Variants in SDK1 observed in about 807,000 individuals in gnomAD.
SDK1 encodes protein sidekick-1.
Under a neutral mutation model 245.5 loss-of-function variants are expected in SDK1, and 157 were observed. That is an observed-to-expected ratio of 0.64 (90% CI 0.56 to 0.73). SDK1 has a LOEUF of 0.73. Ranked by LOEUF, SDK1 falls within the 30% of genes least tolerant of loss-of-function variation. The probability of loss-of-function intolerance (pLI) is 0.00; values close to 1 mark genes in which losing one functional copy is unlikely to be tolerated. For synonymous variants in SDK1, 1,647 were observed against 1,278.5 expected (o/e 1.29, Z -6.15); for missense variants, 3,583 against 3,002.3 (o/e 1.19, Z -4.52).
At chr7:3,980,949 A>AAC (rs1269151945) in intron 13 of SDK1, among the ~76,000 whole-genome samples, 1 of 152,144 alleles carries the variant, frequency 6.6e-6, no homozygotes, top group Non-Finnish European at 1.5e-5. Flanking sequence ...CAAAAAAAAA[A>AAC]AAGAAAGAAA....
chr7:4,069,500 G>C (rs960794703), intron 20 of SDK1, among the ~76,000 whole-genome samples: 1 of 152,186 alleles, frequency 6.6e-6, no homozygotes, highest in East Asian at 1.9e-4. Context: ...TGACGCGAGC[G>C]GTCAGTTTGG....
intron 1 of SDK1, among the ~76,000 whole-genome samples, chr7:3,482,006 G>A: frequency 6.7e-6 from 1 of 148,730 alleles, no homozygotes; most frequent in Non-Finnish European, 1.5e-5. Flanking sequence ...ATATAATAAG[G>A]GATTAATAAT....
chr7:3,770,498 T>C (rs1238501517), intron 4 of SDK1, among the ~76,000 whole-genome samples: 1 of 152,210 alleles, frequency 6.6e-6, no homozygotes, highest in Non-Finnish European at 1.5e-5. Flanking sequence ...GTGGTAGCTA[T>C]ATGTTTAGTT....
At chr7:3,377,913 G>A (rs1781394460) in intron 1 of SDK1, among the ~76,000 whole-genome samples, 1 of 152,032 alleles carries the variant, frequency 6.6e-6, no homozygotes, top group Non-Finnish European at 1.5e-5. Flanking sequence ...CGAGTAGCTG[G>A]GATTACAGGT....
chr7:4,258,883 TTCGTTCCTAAATATTCTGTGAA>T (rs997412438), intron 44 of SDK1, among the ~76,000 whole-genome samples: 1 of 152,248 alleles, frequency 6.6e-6, no homozygotes, highest in Non-Finnish European at 1.5e-5. Flanking sequence ...ATTTCTGTCA[TTCGTTCCTAAATATTCTGTGAA>T]TTTCTCGTGA....
At chr7:3,433,927 A>G (rs78031811) in intron 1 of SDK1, among the ~76,000 whole-genome samples, 2 of 152,320 alleles carry the variant, frequency 1.3e-5, no homozygotes, top group African/African-American at 4.8e-5. Context: ...TGATTTATTA[A>G]TAAGTTTAAC....
intron 1 of SDK1, among the ~76,000 whole-genome samples, chr7:3,498,289 A>G (rs1349368430): frequency 2.0e-5 from 3 of 152,184 alleles, no homozygotes; most frequent in Admixed American, 6.5e-5. Flanking sequence ...AGATTTTGCT[A>G]GAGTTTAAAA....
At chr7:3,731,415 G>T (rs932841188) in intron 4 of SDK1, among the ~76,000 whole-genome samples, 1 of 152,180 alleles carries the variant, frequency 6.6e-6, no homozygotes, top group Non-Finnish European at 1.5e-5. Flanking sequence ...TGGAGCCACT[G>T]ATCCCATCAC....
At chr7:3,806,366 G>A (rs867039502) in intron 4 of SDK1, among the ~76,000 whole-genome samples, 1 of 108,400 alleles carries the variant, frequency 9.2e-6, no homozygotes, top group Non-Finnish European at 1.7e-5. Flanking sequence ...ACATTAGGAT[G>A]TGGATGTCCA....
chr7:3,314,163 G>C (rs1251555310), intron 1 of SDK1, among the ~76,000 whole-genome samples: 1 of 151,918 alleles, frequency 6.6e-6, no homozygotes, highest in Admixed American at 6.6e-5. Context: ...CCCTAGCAGG[G>C]ATACATATAG....
intron 13 of SDK1, among the ~76,000 whole-genome samples, chr7:3,984,905 T>C (rs976297928): frequency 6.6e-6 from 1 of 152,186 alleles, no homozygotes; most frequent in Non-Finnish European, 1.5e-5. Flanking sequence ...GGCCAGTGCA[T>C]TTTCCCTCAA....
At chr7:4,175,375 C>A (rs118057784) in intron 33 of SDK1, among the ~76,000 whole-genome samples, 1 of 152,244 alleles carries the variant, frequency 6.6e-6, no homozygotes, top group Non-Finnish European at 1.5e-5. Context: ...TCGCGCAGCT[C>A]TCCCTGAGGT....
chr7:4,261,571 T>C (rs1337183959), intron 44 of SDK1, among the ~76,000 whole-genome samples: 1 of 152,180 alleles, frequency 6.6e-6, no homozygotes, highest in African/African-American at 2.4e-5. Context: ...GCCTGGCCGC[T>C]GATGGGAATC....
At chr7:3,771,583 A>T (rs755777903) in intron 4 of SDK1, among the ~76,000 whole-genome samples, 4 of 152,222 alleles carry the variant, frequency 2.6e-5, no homozygotes, top group Non-Finnish European at 4.4e-5. Flanking sequence ...TCTTTGATTC[A>T]TAGGATGGAT....
chr7:3,318,084 T>C (rs148412744), intron 1 of SDK1, among the ~76,000 whole-genome samples: 66 of 152,340 alleles, frequency 4.3e-4, no homozygotes, highest in African/African-American at 1.4e-3. Context: ...TATATGTCTT[T>C]CCTTGCAACC....
chr7:3,623,462 C>T (rs1433284132), intron 2 of SDK1, among the ~76,000 whole-genome samples: 2 of 152,018 alleles, frequency 1.3e-5, no homozygotes, highest in Admixed American at 1.3e-4. Context: ...GCTGGTCTCA[C>T]ACTCCTGACC....
intron 35 of SDK1, among the ~76,000 whole-genome samples, chr7:4,194,313 C>CACGTATGTGTATACATGTATAG (rs1783426649): frequency 5.2e-5 from 6 of 116,232 alleles, no homozygotes; most frequent in East Asian, 4.5e-4. Flanking sequence ...TACATGTATA[C>CACGTATGTGTATACATGTATAG]ATATATGTAT....
chr7:3,441,946 C>T (rs1303069748), intron 1 of SDK1, among the ~76,000 whole-genome samples: 1 of 152,230 alleles, frequency 6.6e-6, no homozygotes, highest in East Asian at 1.9e-4. Flanking sequence ...TCCACAAAAT[C>T]CCCACTTAAT....
intron 4 of SDK1, among the ~76,000 whole-genome samples, chr7:3,730,053 T>C (rs1391178627): frequency 6.6e-6 from 1 of 152,174 alleles, no homozygotes; most frequent in Non-Finnish European, 1.5e-5. Flanking sequence ...CTACAGATAG[T>C]ACTTGGGTAC....
Sources: gnomAD v4.1 joint callset for allele counts (sites outside exome capture counted in the v4.1 genomes callset) on GRCh38, gnomAD v4.1.1 for gene constraint, MANE v1.5 for transcripts, NCBI Gene and HGNC (gene_info 2026-07-23, HGNC 2026-07-21) for gene names.